OR51E2: variants seen among roughly 807,000 people sequenced by gnomAD.
OR51E2 encodes the protein olfactory receptor family 51 subfamily E member 2.
A neutral mutation model predicts 13.7 loss-of-function variants in OR51E2; 14 were observed. That is an observed-to-expected ratio of 1.02 (90% confidence interval 0.68 to 1.60). OR51E2 has a LOEUF of 1.60. Among genes scored for constraint, OR51E2 ranks in the 40% most tolerant of loss-of-function variants. The probability of loss-of-function intolerance (pLI) is 0.00; values close to 1 mark genes in which losing one functional copy is unlikely to be tolerated. For synonymous variants in OR51E2, 180 were observed against 157.6 expected (o/e 1.14, Z -1.07); for missense variants, 483 against 413.8 (o/e 1.17, Z -1.45).
intron 1 of OR51E2, among the ~76,000 whole-genome samples, chr11:4,682,982 A>G (rs1042737297): frequency 7.9e-5 from 12 of 152,172 alleles, no homozygotes; most frequent in Admixed American, 7.2e-4. Context: ...CTTTTTCCAA[A>G]ATGTAATTCC....
At chr11:4,682,845 C>T (rs1847473935) in intron 1 of OR51E2, 84 bp from the exon 2 acceptor site, 1 of 935,234 alleles carries the variant, frequency 1.1e-6, no homozygotes, top group Non-Finnish European at 1.6e-6. Context: ...CCCACCCCCA[C>T]TTAGGGTCTT....
At chr11:4,690,991 C>A (rs868162417) in intron 1 of OR51E2, 1 of 454,744 alleles carries the variant, frequency 2.2e-6, no homozygotes, top group Non-Finnish European at 4.4e-6. Context: ...CTGAAGGTTT[C>A]CTTCCTCTCT....
At chr11:4,692,058 T>C (rs1295744192) in intron 1 of OR51E2, 6 of 375,312 alleles carry the variant, frequency 1.6e-5, no homozygotes, top group East Asian at 7.3e-5. Context: ...TCATTCTTTA[T>C]GGCATGTTTA....
At position 4,681,791 on chromosome 11, in the gene OR51E2, C is replaced by T; in HGVS notation, c.921G>A (p.Lys307=). The T allele has an allele frequency of 6.2e-7, 1 of 1,614,230 alleles. No individual in the cohort carries two copies. Among genetic ancestry groups the T allele is most frequent in the Non-Finnish European group, 8.5e-7 (1 of 1,180,040 alleles). ...QIRTRVLAMF[K]ISCDKDLQAV... Reference sequence around the variant, plus strand: ...CCTGCAAGTCCTTGTCACAGCTGATCTTGAACATAGCCAGCACCCGTGTTC... The same window carrying T: ...CCTGCAAGTCCTTGTCACAGCTGATTTTGAACATAGCCAGCACCCGTGTTC... The change falls in exon 2 of 2, where the codon AAG becomes AAA. Residue 307 remains lysine, a synonymous_variant. Transcript: ENST00000396950.
chr11:4,690,923 C>A, intron 1 of OR51E2: 1 of 455,722 alleles, frequency 2.2e-6, no homozygotes. Context: ...GAACAATGGA[C>A]AGACTGATCA....
intron 1 of OR51E2, chr11:4,691,421 G>A (rs1213412616): frequency 1.7e-5 from 8 of 457,760 alleles, no homozygotes; most frequent in Non-Finnish European, 3.5e-5. Flanking sequence ...CATTAAAGCT[G>A]ATTTCCCTCA....
chr11:4,686,391 A>G (rs923596760), intron 1 of OR51E2, among the ~76,000 whole-genome samples: 3 of 152,186 alleles, frequency 2.0e-5, no homozygotes, highest in African/African-American at 7.2e-5. Flanking sequence ...AAGGAAAGAG[A>G]AACTGGAGAG....
At chr11:4,686,362 A>C (rs1847515752) in intron 1 of OR51E2, among the ~76,000 whole-genome samples, 1 of 152,238 alleles carries the variant, frequency 6.6e-6, no homozygotes, top group Admixed American at 6.5e-5. Flanking sequence ...AGCTTGGCTG[A>C]AGCATAGAGT....
At chr11:4,695,581 G>A (rs1329093802) in intron 1 of OR51E2, among the ~76,000 whole-genome samples, 1 of 152,100 alleles carries the variant, frequency 6.6e-6, no homozygotes, top group Non-Finnish European at 1.5e-5. Flanking sequence ...TTCACCTTCA[G>A]TAACAATCTG....
intron 1 of OR51E2, among the ~76,000 whole-genome samples, chr11:4,684,266 T>C (rs1274991369): frequency 6.6e-6 from 1 of 152,216 alleles, no homozygotes; most frequent in Admixed American, 6.5e-5. Flanking sequence ...AAATCCCATA[T>C]TTGGCTCCCA....
At chr11:4,696,987 T>G (rs1214378943) in intron 1 of OR51E2, among the ~76,000 whole-genome samples, 1 of 152,262 alleles carries the variant, frequency 6.6e-6, no homozygotes, top group African/African-American at 2.4e-5. Context: ...TACCATTTAC[T>G]GGACACGTGT....
At chr11:4,692,671 G>A (rs968143979) in intron 1 of OR51E2, among the ~76,000 whole-genome samples, 1 of 152,116 alleles carries the variant, frequency 6.6e-6, no homozygotes, top group Admixed American at 6.5e-5. Flanking sequence ...GGCTGCAGAG[G>A]GCTCAATCAA....
At chr11:4,687,550 A>T (rs7125029) in intron 1 of OR51E2, among the ~76,000 whole-genome samples, 93,029 of 152,188 alleles carry the variant, frequency 0.61, 29,516 homozygotes, top group Non-Finnish European at 0.69. Context: ...GTATAAAAGA[A>T]CTTTGTTATC....
rs1453909995 is a variant in OR51E2 at position 4,681,467 on chromosome 11, G to A, written c.*282C>T. The A allele has an allele frequency of 7.5e-6, 3 of 400,644 alleles. No homozygotes were observed. The highest frequency in any genetic ancestry group is 8.9e-6 in the Non-Finnish European group (2 of 223,520). The allele number at this position is 400,644 out of a possible 1,614,324, so 24.8% of individuals were successfully genotyped here. A position where few individuals can be genotyped will look rare whatever the true frequency, so the allele number is the denominator to read the frequency against. On this transcript the variant is annotated 3_prime_UTR_variant, in exon 2 of 2. Transcript: ENST00000396950. ...AGTAATTTGAGCACATTTCCTCCAAGGCATATGCTATTTTTCAACTTGGTT... is the reference window on the plus strand; with the variant it reads ...AGTAATTTGAGCACATTTCCTCCAAAGCATATGCTATTTTTCAACTTGGTT...
intron 1 of OR51E2, among the ~76,000 whole-genome samples, chr11:4,696,302 C>T (rs1228857019): frequency 1.3e-5 from 2 of 152,128 alleles, no homozygotes; most frequent in African/African-American, 4.8e-5. Context: ...CTTCATTTAT[C>T]AGCAAACGAC....
intron 1 of OR51E2, among the ~76,000 whole-genome samples, chr11:4,692,939 G>T (rs1458497553): frequency 6.6e-6 from 1 of 152,036 alleles, no homozygotes; most frequent in Non-Finnish European, 1.5e-5. Context: ...TACACGATTT[G>T]GCCAAATAAT....
chr11:4,693,422 G>C lies in OR51E2; in HGVS notation c.-51+4231C>G, dbSNP rs142866913. Among the ~76,000 whole-genome samples, 303 of 152,296 alleles carry C rather than the reference G, an allele frequency of 2.0e-3. 1 individual carries two copies. Among genetic ancestry groups the C allele is most frequent in the African/African-American group, 6.7e-3 (279 of 41,580 alleles). On this transcript the variant is annotated intron_variant, in intron 1 of 1. Transcript: ENST00000396950. The stretch of plus-strand genomic sequence containing the variant: ...AATTCCCAGGCTTTCAGAACGGCAT[G>C]TGTAAAAGTGTTGAGCAGGCTGGGC...
chr11:4,690,925 G>T (rs770898148), intron 1 of OR51E2: 1 of 455,914 alleles, frequency 2.2e-6, no homozygotes, highest in Non-Finnish European at 4.4e-6. Flanking sequence ...ACAATGGACA[G>T]ACTGATCAAT....
At chr11:4,687,865 G>C (rs1847533430) in intron 1 of OR51E2, among the ~76,000 whole-genome samples, 2 of 152,178 alleles carry the variant, frequency 1.3e-5, no homozygotes, top group South Asian at 4.1e-4. Context: ...TCTATTCTAA[G>C]TCAGGAGAAG....
Sources: gnomAD v4.1 joint callset for allele counts (sites outside exome capture counted in the v4.1 genomes callset) on GRCh38, gnomAD v4.1.1 for gene constraint, MANE v1.5 for transcripts, NCBI Gene and HGNC (gene_info 2026-07-23, HGNC 2026-07-21) for gene names.